Variants in DAGLB observed in about 807,000 individuals in gnomAD.
DAGLB encodes the protein diacylglycerol lipase beta.
DAGLB carries 66 observed loss-of-function variants against 72.1 expected under a neutral mutation model. The observed-to-expected ratio is 0.92, with a 90% CI of 0.75 to 1.12. The LOEUF is 1.12. Ranked by LOEUF, DAGLB falls within the 50% of genes most tolerant of loss-of-function variation. DAGLB has a pLI of 0.00. For missense variants in DAGLB, 1,065 were observed against 884.9 expected (o/e 1.20, Z -2.58); for synonymous variants, 414 against 359.5 (o/e 1.15, Z -1.71).
intron 2 of DAGLB, among the ~76,000 whole-genome samples, chr7:6,440,057 A>G (rs1170457656): frequency 8.0e-6 from 1 of 125,116 alleles, no homozygotes. Flanking sequence ...GTCTCAAAAA[A>G]AAAAAAAAAA....
intron 2 of DAGLB, among the ~76,000 whole-genome samples, chr7:6,440,003 G>A (rs1331411075): frequency 6.9e-6 from 1 of 144,648 alleles, no homozygotes; most frequent in Non-Finnish European, 1.5e-5. Flanking sequence ...AGTGAGCTAA[G>A]ATCACGCCAC....
chr7:6,438,912 G>A (rs917906350), intron 2 of DAGLB, among the ~76,000 whole-genome samples: 7 of 151,978 alleles, frequency 4.6e-5, no homozygotes, highest in South Asian at 4.1e-4. Context: ...TCCTTTACAC[G>A]GTTTTGCCTG....
rs574494201 is a variant in DAGLB at position 6,426,065 on chromosome 7, T to C, written c.979A>G (p.Asn327Asp). The C allele has an allele frequency of 3.7e-6, 6 of 1,614,060 alleles. No homozygotes were observed. In the African/African-American group the frequency reaches 5.3e-5, roughly 14 times the overall value. ...TGCAGGATGGAGCCGAAGTGACAGT[T>C]GAGCTGATCGCCTCCGACCAAGTCA... The part of the protein sequence containing the change: ...DYDLVGGDQL[N>D]CHFGSILHTT... The change falls in exon 7 of 15, where the codon AAC becomes GAC. Residue 327 changes from asparagine to aspartate, a missense_variant. Physicochemically the swap from Asn to Asp is conservative, Grantham distance 23. Transcript: ENST00000297056.
chr7:6,435,141 G>A (rs1784613836), intron 3 of DAGLB, 121 bp from the exon 4 acceptor site: 1 of 1,416,698 alleles, frequency 7.1e-7, no homozygotes, highest in African/African-American at 1.4e-5. Flanking sequence ...CTGTTACCGA[G>A]GAAGATGCAG....
intron 6 of DAGLB, among the ~76,000 whole-genome samples, chr7:6,428,943 TACA>T (rs1784396357): frequency 1.3e-5 from 2 of 152,204 alleles, no homozygotes; most frequent in Middle Eastern, 3.2e-3. Flanking sequence ...CACCTGGGAC[TACA>T]GGTACACACT....
chr7:6,421,833 G>T, intron 8 of DAGLB, 29 bp from the exon 9 acceptor site: 2 of 1,608,456 alleles, frequency 1.2e-6, no homozygotes, highest in Non-Finnish European at 1.7e-6. Flanking sequence ...AGAAGCGGCC[G>T]TCAGCCTGTG....
chr7:6,411,416 G>A (rs913996387), intron 13 of DAGLB, among the ~76,000 whole-genome samples: 1 of 152,216 alleles, frequency 6.6e-6, no homozygotes, highest in African/African-American at 2.4e-5. Flanking sequence ...CAGCCCCGAA[G>A]TTTGAGACCA....
intron 13 of DAGLB, 29 bp from the exon 14 acceptor site, chr7:6,410,409 C>A: frequency 6.4e-7 from 1 of 1,573,814 alleles, no homozygotes; most frequent in Non-Finnish European, 8.7e-7. Flanking sequence ...CAGTAGAATG[C>A]TGTCACTCAC....
intron 9 of DAGLB, 163 bp from the exon 10 acceptor site, chr7:6,417,084 C>G: frequency 1.3e-6 from 1 of 754,554 alleles, no homozygotes; most frequent in Non-Finnish European, 2.1e-6. Context: ...GTGCTCCTGG[C>G]ACCTTGCACA....
chr7:6,414,391 C>T (rs2115242776), intron 11 of DAGLB, among the ~76,000 whole-genome samples: 1 of 151,774 alleles, frequency 6.6e-6, no homozygotes, highest in East Asian at 1.9e-4. Context: ...CGGCTCACGG[C>T]AACCTCTTCA....
At chr7:6,436,095 A>G (rs1286744022) in intron 3 of DAGLB, among the ~76,000 whole-genome samples, 2 of 152,136 alleles carry the variant, frequency 1.3e-5, no homozygotes, top group East Asian at 3.8e-4. Context: ...AAAAGAAAAA[A>G]AAAAAAGAGA....
At chr7:6,421,928 G>A (rs771852117) in intron 8 of DAGLB, 124 bp from the exon 9 acceptor site, 15 of 1,083,356 alleles carry the variant, frequency 1.4e-5, no homozygotes, top group Non-Finnish European at 1.9e-5. Context: ...CTCCTAGTTC[G>A]GTCCTGGGAC....
chr7:6,443,190 A>T lies in DAGLB; in HGVS notation c.247+2763T>A, dbSNP rs565293409. On this transcript the variant is annotated intron_variant, in intron 2 of 14. Transcript: ENST00000297056. ...GGTGAAAGAGCGAGACTCCATCCGG[A>T]AAAAAAAAACAAAAAACAAAAAAAA... is the stretch of plus-strand genomic sequence containing the variant. 2.1e-5 allele frequency among the ~76,000 whole-genome samples: 3 copies of T among 143,288 alleles called. No individual in the cohort carries two copies. In the East Asian group the frequency reaches 5.9e-4, roughly 28 times the overall value. The allele number at this position is 143,288 out of a possible 152,430, so 94.0% of individuals were successfully genotyped here.
At chr7:6,442,241 T>G (rs1784858806) in intron 2 of DAGLB, among the ~76,000 whole-genome samples, 1 of 152,088 alleles carries the variant, frequency 6.6e-6, no homozygotes, top group Admixed American at 6.6e-5. Flanking sequence ...AAAACGGGGT[T>G]CTGTTTGGAG....
chr7:6,429,164 T>C (rs979511710), intron 6 of DAGLB, among the ~76,000 whole-genome samples: 1 of 152,064 alleles, frequency 6.6e-6, no homozygotes, highest in African/African-American at 2.4e-5. Context: ...AAGCAATCAA[T>C]GTTAATATAA....
chr7:6,410,482 AC>A lies in DAGLB; in HGVS notation c.1570-103del, dbSNP rs1452642430. ...ACCAGGCACAGGAATCTGCCCTTTG[AC>A]CCAGAAACCCCGCTTGGAAGACTCC... On this transcript the variant is annotated intron_variant, in intron 13 of 14. Coordinates refer to ENST00000297056, the MANE Select transcript of DAGLB (RefSeq NM_139179.4). The A allele has an allele frequency of 2.0e-6, 3 of 1,478,942 alleles. No homozygotes were observed. In the East Asian group the frequency reaches 7.0e-5, roughly 34 times the overall value. The allele number at this position is 1,478,942 out of a possible 1,614,324, so 91.6% of individuals were successfully genotyped here.
intron 8 of DAGLB, among the ~76,000 whole-genome samples, chr7:6,423,213 G>A (rs964354339): frequency 2.6e-5 from 4 of 152,052 alleles, no homozygotes; most frequent in African/African-American, 7.2e-5. Flanking sequence ...CTGTACCATC[G>A]TACTCCACCC....
At chr7:6,435,216 G>T (rs1231213293) in intron 3 of DAGLB, among the ~76,000 whole-genome samples, 196 bp from the exon 4 acceptor site, 2 of 152,158 alleles carry the variant, frequency 1.3e-5, no homozygotes, top group Non-Finnish European at 2.9e-5. Context: ...GGCTGGGCAT[G>T]GTGGCTCACA....
In DAGLB at chr7:6,444,194, G is replaced by A. The variant is rs185274667; in HGVS notation, c.247+1759C>T. Among the ~76,000 whole-genome samples the A allele has an allele frequency of 1.8e-4, 28 of 152,230 alleles. 1 individual carries two copies. The highest frequency in any genetic ancestry group is 1.7e-3 in the Admixed American group (26 of 15,278). ...GGGTTGAGAAGAGAGGATTGCTTGA[G>A]CCCAGGTATTTGAGGCTGCAGTGAG... On this transcript the variant is annotated intron_variant, in intron 2 of 14. Transcript: ENST00000297056.
Sources: allele counts gnomAD v4.1 joint callset (sites outside exome capture counted in the v4.1 genomes callset), GRCh38; gene constraint gnomAD v4.1.1; transcripts MANE v1.5; gene names NCBI Gene and HGNC (gene_info 2026-07-23, HGNC 2026-07-21).